The following GALNTL6 variants were observed in gnomAD, a reference collection of about 807,000 sequenced individuals.
The protein encoded by GALNTL6 is polypeptide N-acetylgalactosaminyltransferase like 6.
GALNTL6 carries 46 observed loss-of-function variants against 73.7 expected under a neutral mutation model. The observed-to-expected ratio is 0.62, with a 90% confidence interval of 0.49 to 0.80. The LOEUF is 0.80. Ranked by LOEUF, GALNTL6 falls within the 30% of genes least tolerant of loss-of-function variation. The pLI, the probability that GALNTL6 is intolerant of heterozygous loss-of-function variation, is 0.00. For synonymous variants in GALNTL6, 259 were observed against 263.7 expected (o/e 0.98, Z 0.17); for missense variants, 604 against 755.0 (o/e 0.80, Z 2.34).
At chr4:172,625,868 AT>A (rs1030405343) in intron 5 of GALNTL6, among the ~76,000 whole-genome samples, 13 of 150,772 alleles carry the variant, frequency 8.6e-5, no homozygotes, top group African/African-American at 2.2e-4. Context: ...TTTTAATGGG[AT>A]TTTTTTTCTT....
intron 7 of GALNTL6, among the ~76,000 whole-genome samples, chr4:172,842,209 C>T (rs2111085318): frequency 6.6e-6 from 1 of 152,314 alleles, no homozygotes; most frequent in Admixed American, 6.5e-5. Context: ...GAACTATATA[C>T]TTAACCTAAA....
intron 2 of GALNTL6, among the ~76,000 whole-genome samples, chr4:171,838,921 T>C (rs1013724932): frequency 3.3e-5 from 5 of 152,176 alleles, no homozygotes; most frequent in Non-Finnish European, 5.9e-5. Flanking sequence ...ATAAGCACTC[T>C]AGGGACTGCT....
At chr4:172,818,025 A>G (rs1175514013) in intron 7 of GALNTL6, among the ~76,000 whole-genome samples, 1 of 152,224 alleles carries the variant, frequency 6.6e-6, no homozygotes, top group African/African-American at 2.4e-5. Context: ...TTTCTTTTCC[A>G]GGCTACATAT....
chr4:172,453,829 G>A (rs1040710700), intron 5 of GALNTL6, among the ~76,000 whole-genome samples: 1 of 152,144 alleles, frequency 6.6e-6, no homozygotes. Flanking sequence ...ACACCCTTAG[G>A]AGAGAGGCAA....
intron 5 of GALNTL6, among the ~76,000 whole-genome samples, chr4:172,664,560 ATT>A (rs914711242): frequency 6.6e-6 from 1 of 152,202 alleles, no homozygotes; most frequent in Non-Finnish European, 1.5e-5. Context: ...AATTAAAAAG[ATT>A]TAGGCACCAC....
intron 2 of GALNTL6, among the ~76,000 whole-genome samples, chr4:172,109,378 T>C (rs1441604992): frequency 6.6e-6 from 1 of 152,208 alleles, no homozygotes; most frequent in African/African-American, 2.4e-5. Flanking sequence ...CTAGAATTGG[T>C]TGTCCTCAGA....
intron 2 of GALNTL6, among the ~76,000 whole-genome samples, chr4:172,029,158 T>G (rs938603748): frequency 6.6e-6 from 1 of 151,998 alleles, no homozygotes; most frequent in Non-Finnish European, 1.5e-5. Flanking sequence ...TGACCATATT[T>G]GGAACAATCT....
intron 2 of GALNTL6, among the ~76,000 whole-genome samples, chr4:171,903,304 A>G (rs1737161040): frequency 6.6e-6 from 1 of 152,110 alleles, no homozygotes; most frequent in African/African-American, 2.4e-5. Context: ...CGCGAGCTGA[A>G]GCAGGGCGAG....
At chr4:172,671,515 C>G (rs1424723598) in intron 5 of GALNTL6, among the ~76,000 whole-genome samples, 2 of 152,222 alleles carry the variant, frequency 1.3e-5, no homozygotes, top group South Asian at 2.1e-4. Flanking sequence ...GATTTTGTAT[C>G]CTGAGACTTT....
intron 5 of GALNTL6, among the ~76,000 whole-genome samples, chr4:172,537,042 C>A (rs952884009): frequency 2.9e-4 from 44 of 152,236 alleles, no homozygotes; most frequent in African/African-American, 9.6e-4. Context: ...AATGCTTGTA[C>A]CCCCATTATA....
At chr4:171,885,634 T>C (rs1279169404) in intron 2 of GALNTL6, among the ~76,000 whole-genome samples, 1 of 152,018 alleles carries the variant, frequency 6.6e-6, no homozygotes, top group Non-Finnish European at 1.5e-5. Context: ...AGTGAGACCC[T>C]GTCTCCGCAA....
intron 3 of GALNTL6, among the ~76,000 whole-genome samples, chr4:172,270,285 C>T (rs1341036616): frequency 6.6e-6 from 1 of 151,692 alleles, no homozygotes; most frequent in Non-Finnish European, 1.5e-5. Flanking sequence ...ATGTTTTTTT[C>T]ATTCAGTAAT....
chr4:172,980,994 C>T (rs551774431), intron 10 of GALNTL6, among the ~76,000 whole-genome samples: 1 of 152,316 alleles, frequency 6.6e-6, no homozygotes, highest in Non-Finnish European at 1.5e-5. Context: ...ATAATGTCTT[C>T]ATACAACATC....
rs534865998 is a variant in GALNTL6, at chr4:172,266,525, G to A, written c.247+36761G>A. Among the ~76,000 whole-genome samples, 27 of 152,102 alleles carry A rather than the reference G, an allele frequency of 1.8e-4. No homozygotes were observed. In the East Asian group the frequency reaches 2.7e-3, roughly 15 times the overall value. ...AACTAGGTTAAATAATTCTTATTAT[G>A]TTTTAACTTATGTAAAATAACTATA... On this transcript the variant is annotated intron_variant, in intron 3 of 12. Coordinates refer to ENST00000506823, the MANE Select transcript of GALNTL6 (RefSeq NM_001034845.3).
At chr4:172,408,966 T>C (rs1373394645) in intron 5 of GALNTL6, among the ~76,000 whole-genome samples, 1 of 152,104 alleles carries the variant, frequency 6.6e-6, no homozygotes, top group African/African-American at 2.4e-5. Flanking sequence ...AATCACTTAC[T>C]ATACACTGTA....
intron 5 of GALNTL6, among the ~76,000 whole-genome samples, chr4:172,669,765 C>G (rs1731870944): frequency 7.7e-6 from 1 of 130,298 alleles, no homozygotes; most frequent in South Asian, 2.5e-4. Context: ...TTTCATCACT[C>G]AGGTATGAAG....
At chr4:172,293,537 C>T (rs1258900487) in intron 3 of GALNTL6, among the ~76,000 whole-genome samples, 1 of 151,928 alleles carries the variant, frequency 6.6e-6, no homozygotes, top group Non-Finnish European at 1.5e-5. Context: ...CATTAAAGAT[C>T]TAACTAGAAC....
intron 5 of GALNTL6, among the ~76,000 whole-genome samples, chr4:172,386,198 T>C (rs1463893768): frequency 6.6e-6 from 1 of 152,174 alleles, no homozygotes; most frequent in African/African-American, 2.4e-5. Flanking sequence ...AATTTTTATA[T>C]TTACCTATTG....
chr4:172,979,182 CT>C (rs1290510306), intron 10 of GALNTL6, among the ~76,000 whole-genome samples: 1 of 152,162 alleles, frequency 6.6e-6, no homozygotes, highest in African/African-American at 2.4e-5. Context: ...TTAATGGCCC[CT>C]GGCCATATCA....
Sources: allele counts gnomAD v4.1 joint callset (sites outside exome capture counted in the v4.1 genomes callset), GRCh38; gene constraint gnomAD v4.1.1; transcripts MANE v1.5; gene names NCBI Gene and HGNC (gene_info 2026-07-23, HGNC 2026-07-21).